UTRN: variants seen among roughly 807,000 people sequenced by gnomAD.
UTRN encodes the protein dystrophin-related protein 1.
UTRN carries 283 observed loss-of-function variants against 463.9 expected under a neutral mutation model. That is an observed-to-expected ratio of 0.61 (90% CI 0.55 to 0.67). The LOEUF (loss-of-function observed/expected upper bound fraction) is 0.67, where lower values mean the gene tolerates loss of function less well. Ranked by LOEUF, UTRN falls within the 30% of genes least tolerant of loss-of-function variation. UTRN has a pLI of 0.00. For missense variants in UTRN, 3,922 were observed against 4,084.3 expected, an observed-to-expected ratio of 0.96 and a Z score of 1.08; for synonymous variants, 1,442 against 1,431.5, an observed-to-expected ratio of 1.01 and a Z score of -0.17.
intron 54 of UTRN, among the ~76,000 whole-genome samples, chr6:144,731,300 A>G (rs187241102): frequency 6.6e-6 from 1 of 152,292 alleles, no homozygotes; most frequent in East Asian, 1.9e-4. Flanking sequence ...CTTAAGAGAA[A>G]ATGTGTAATG....
chr6:144,556,218 A>T (rs1799367996), intron 49 of UTRN, among the ~76,000 whole-genome samples: 1 of 152,232 alleles, frequency 6.6e-6, no homozygotes, highest in Non-Finnish European at 1.5e-5. Context: ...TGTAGAAAAC[A>T]ATCGAAAATG....
At chr6:144,754,654 A>G in intron 56 of UTRN, 66 bp from the exon 57 acceptor site, 1 of 1,550,374 alleles carries the variant, frequency 6.5e-7, no homozygotes, top group Admixed American at 1.7e-5. Flanking sequence ...TTAAAGCAAA[A>G]ATATTATTAA....
chr6:144,734,888 A>G (rs1307816284), intron 54 of UTRN, among the ~76,000 whole-genome samples: 1 of 152,034 alleles, frequency 6.6e-6, no homozygotes, highest in Non-Finnish European at 1.5e-5. Flanking sequence ...GCCATGTTAC[A>G]TTTCTGACCT....
chr6:144,762,273 G>A (rs182684913), intron 58 of UTRN, among the ~76,000 whole-genome samples: 229 of 152,294 alleles, frequency 1.5e-3, no homozygotes, highest in African/African-American at 5.3e-3. Context: ...ATGCGGTGCT[G>A]TGTCCTGGCC....
At chr6:144,389,982 A>T (rs928760117) in intron 2 of UTRN, among the ~76,000 whole-genome samples, 6 of 152,222 alleles carry the variant, frequency 3.9e-5, no homozygotes, top group African/African-American at 1.4e-4. Flanking sequence ...GTCAAAGAAT[A>T]TAGTTTGACA....
intron 34 of UTRN, among the ~76,000 whole-genome samples, chr6:144,506,902 A>G (rs1008851286): frequency 3.9e-5 from 6 of 152,130 alleles, no homozygotes; most frequent in Non-Finnish European, 8.8e-5. Flanking sequence ...GGGTACACCA[A>G]TCAAATGTAG....
chr6:144,449,429 T>C (rs1179538155), intron 17 of UTRN, among the ~76,000 whole-genome samples: 1 of 152,214 alleles, frequency 6.6e-6, no homozygotes, highest in African/African-American at 2.4e-5. Context: ...TCCTAGAATG[T>C]AGACACCTGT....
intron 53 of UTRN, among the ~76,000 whole-genome samples, chr6:144,712,175 T>C (rs899030812): frequency 6.6e-6 from 1 of 152,238 alleles, no homozygotes; most frequent in Non-Finnish European, 1.5e-5. Flanking sequence ...GTTGACTTAC[T>C]CCTTATTAAA....
chr6:144,729,880 C>T (rs144963572), intron 53 of UTRN, among the ~76,000 whole-genome samples: 4 of 152,238 alleles, frequency 2.6e-5, no homozygotes, highest in South Asian at 2.1e-4. Flanking sequence ...TTGTTTCTAT[C>T]GCTTCATTTT....
At position 144,678,516 on chromosome 6, in the gene UTRN, A is replaced by G. The variant is rs1337340851; in HGVS notation, c.7590A>G (p.Gln2530=). 4.3e-6 allele frequency: 7 copies of G among 1,612,996 alleles called. No homozygotes were observed. The highest frequency in any genetic ancestry group is 1.3e-5 in the African/African-American group (1 of 74,898). ...LGNSEEATML[Q]HRLDDMNQRW... Reference sequence around the variant, plus strand: ...ATTCTGAAGAGGCTACTATGCTTCAACATCGACTGGATGATATGAACCAAA... The same window carrying G: ...ATTCTGAAGAGGCTACTATGCTTCAGCATCGACTGGATGATATGAACCAAA... The change falls in exon 52 of 75, where the codon CAA becomes CAG. Residue 2530 remains glutamine (Q), a synonymous_variant. Transcript: ENST00000367545.
chr6:144,663,632 T>C (rs1233297598), intron 51 of UTRN, among the ~76,000 whole-genome samples: 1 of 152,136 alleles, frequency 6.6e-6, no homozygotes, highest in East Asian at 1.9e-4. Flanking sequence ...ATGATAATCG[T>C]AGTTCTCTAA....
intron 44 of UTRN, 145 bp from the exon 45 acceptor site, chr6:144,539,149 G>A (rs1334715988): frequency 1.1e-6 from 1 of 930,122 alleles, no homozygotes; most frequent in African/African-American, 1.7e-5. Flanking sequence ...GTTAGCATGA[G>A]CTTAAGCTTC....
At chr6:144,743,728 C>T (rs758925582) in intron 54 of UTRN, among the ~76,000 whole-genome samples, 2 of 152,000 alleles carry the variant, frequency 1.3e-5, no homozygotes, top group African/African-American at 4.8e-5. Flanking sequence ...TAAAGGAGAG[C>T]GTGGCATAAA....
chr6:144,517,715 T>C (rs532205471), intron 39 of UTRN, among the ~76,000 whole-genome samples: 54 of 152,334 alleles, frequency 3.5e-4, no homozygotes, highest in African/African-American at 1.3e-3. Context: ...CAGAATTGCC[T>C]ATAGTATTCA....
intron 66 of UTRN, among the ~76,000 whole-genome samples, chr6:144,825,645 G>A (rs187639723): frequency 9.2e-5 from 14 of 152,004 alleles, no homozygotes; most frequent in Non-Finnish European, 1.6e-4. Context: ...CTTTCCCAAG[G>A]TTGATTAAGA....
intron 23 of UTRN, among the ~76,000 whole-genome samples, chr6:144,472,579 T>C (rs1296490972): frequency 6.6e-6 from 1 of 152,176 alleles, no homozygotes; most frequent in Non-Finnish European, 1.5e-5. Flanking sequence ...ATTGATGTAG[T>C]TTCCAGAGCG....
chr6:144,377,698 C>T (rs554238132), intron 2 of UTRN, among the ~76,000 whole-genome samples: 16 of 152,260 alleles, frequency 1.1e-4, no homozygotes, highest in Non-Finnish European at 2.2e-4. Context: ...CCCACAGAGT[C>T]GGCTGGCTCC....
intron 2 of UTRN, chr6:144,344,236 T>G (rs1355678731): frequency 7.7e-7 from 1 of 1,304,118 alleles, no homozygotes; most frequent in Admixed American, 2.3e-5. Context: ...GCCACCACGT[T>G]TCATTGGAAA....
chr6:144,311,404 C>T (rs1039724190), intron 2 of UTRN, among the ~76,000 whole-genome samples: 2 of 152,128 alleles, frequency 1.3e-5, no homozygotes, highest in African/African-American at 4.8e-5. Flanking sequence ...TCTTTTGGAA[C>T]ACAATTTGAA....
Sources: gnomAD v4.1 joint callset for allele counts (sites outside exome capture counted in the v4.1 genomes callset) on GRCh38, gnomAD v4.1.1 for gene constraint, MANE v1.5 for transcripts, NCBI Gene and HGNC (gene_info 2026-07-23, HGNC 2026-07-21) for gene names.